Variants in FBN2 observed in about 807,000 individuals in gnomAD.
The protein encoded by FBN2 is fibrillin-2.
A neutral mutation model predicts 355.6 loss-of-function variants in FBN2; 105 were observed. That is an observed-to-expected ratio of 0.30 (90% CI 0.25 to 0.35). FBN2 has a LOEUF of 0.35. FBN2 is among the 10% of genes least tolerant of loss of function. The probability of loss-of-function intolerance (pLI) is 1.00; values close to 1 mark genes in which losing one functional copy is unlikely to be tolerated. For missense variants in FBN2, 3,280 were observed against 3,758.7 expected, an observed-to-expected ratio of 0.87 and a Z score of 3.33; for synonymous variants, 1,350 against 1,301.2, an observed-to-expected ratio of 1.04 and a Z score of -0.81.
At chr5:128,416,912 A>G (rs1753216995) in intron 7 of FBN2, among the ~76,000 whole-genome samples, 1 of 152,040 alleles carries the variant, frequency 6.6e-6, no homozygotes, top group Non-Finnish European at 1.5e-5. Context: ...TTTGATAGGG[A>G]TTGCACTGAA....
At chr5:128,352,365 C>T (rs1429567565) in intron 20 of FBN2, among the ~76,000 whole-genome samples, 1 of 152,118 alleles carries the variant, frequency 6.6e-6, no homozygotes, top group African/African-American at 2.4e-5. Context: ...AGACTGACTC[C>T]ACATCAAATT....
At position 128,537,693 on chromosome 5, in the gene FBN2, A is replaced by C. The variant is rs1230736013; in HGVS notation, c.-90T>G. 1 of 1,323,694 alleles carries C rather than the reference A, an allele frequency of 7.6e-7. No individual in the cohort carries two copies. Among genetic ancestry groups the C allele is most frequent in the South Asian group, 1.2e-5 (1 of 80,578 alleles). 82.0% of individuals were successfully genotyped at this position (1,323,694 alleles called of 1,614,324 possible). A position where few individuals can be genotyped will look rare whatever the true frequency, so the allele number is the denominator to read the frequency against. Reference sequence around the variant, plus strand: ...GCGCCTCAGAAAAGAGTCAGGGTCTAATAAGCCCTTCGTCGGCTCCGGGGA... The same window carrying C: ...GCGCCTCAGAAAAGAGTCAGGGTCTCATAAGCCCTTCGTCGGCTCCGGGGA... On this transcript the variant is annotated 5_prime_UTR_variant, in exon 1 of 65. In the 5' UTR this introduces an upstream ATG that the reference lacks. Transcript: ENST00000262464.
chr5:128,395,387 T>C (rs546712859), intron 8 of FBN2, 113 bp from the exon 9 acceptor site: 3 of 1,112,526 alleles, frequency 2.7e-6, no homozygotes, highest in Admixed American at 1.9e-5. Flanking sequence ...TTAATCTCTG[T>C]TATCTATTCC....
chr5:128,423,118 G>T (rs2127019131), intron 7 of FBN2, among the ~76,000 whole-genome samples: 1 of 149,948 alleles, frequency 6.7e-6, no homozygotes, highest in Admixed American at 6.6e-5. Context: ...GAATGCAGAA[G>T]AGAAAGGGGC....
chr5:128,289,121 A>G lies in FBN2; in HGVS notation c.6637+6T>C, dbSNP rs1374199850. 2.5e-6 allele frequency: 4 copies of G among 1,613,774 alleles called. No individual in the cohort carries two copies. Among genetic ancestry groups the G allele is most frequent in the Non-Finnish European group, 3.4e-6 (4 of 1,179,846 alleles). ...TAAAATTCTGTAATGTGGAGCCAAC[A>G]CTCACCCACACAGCGTACTCCAGTG... On this transcript the variant is annotated splice_donor_region_variant and intron_variant, in intron 52 of 64. Coordinates refer to ENST00000262464, the MANE Select transcript of FBN2 (RefSeq NM_001999.4).
Position 128,274,623 on chromosome 5 carries a change from C to T in FBN2, c.7655G>A (p.Gly2552Glu), listed in dbSNP as rs1473525001. ...NCQFLCVNTL[G>E]GFTCKCPPGF... ...AGGTGGACATTTACAGGTAAACCCC[C>T]CCAGGGTGTTGACACAGAGGAACTG... The change falls in exon 60 of 65, where the codon GGG becomes GAG. Residue 2552 changes from glycine to glutamate, a missense_variant. This residue lies in a region of FBN2 where 2,284 missense variants were observed against 2,749.5 expected (regional missense o/e 0.83). Coordinates refer to ENST00000262464, the MANE Select transcript of FBN2 (RefSeq NM_001999.4). 3.1e-6 allele frequency: 5 copies of T among 1,613,418 alleles called. No homozygotes were observed. The highest frequency in any genetic ancestry group is 2.5e-6 in the Non-Finnish European group (3 of 1,179,550).
chr5:128,366,352 T>C, intron 17 of FBN2, 25 bp downstream of exon 17: 4 of 1,363,192 alleles, frequency 2.9e-6, no homozygotes, highest in Non-Finnish European at 4.2e-6. Context: ...GTGATTATTA[T>C]AAAGTTGAGA....
chr5:128,289,345 A>G, intron 51 of FBN2, 93 bp from the exon 52 acceptor site: 1 of 1,352,978 alleles, frequency 7.4e-7, no homozygotes. Flanking sequence ...GCACTTTGGG[A>G]GGCCGAGGTG....
Position 128,277,880 on chromosome 5 carries a change from C to T in FBN2, c.7471G>A (p.Asp2491Asn), listed in dbSNP as rs1765434696. The T allele has an allele frequency of 6.2e-7, 1 of 1,613,980 alleles. No homozygotes were observed. The highest frequency in any genetic ancestry group is 1.3e-5 in the African/African-American group (1 of 74,924). ...TGGATATAGAGGTGCCCATCGTTAC[C>T]TATACAAGAGGTTCCACTGATGTCT... The part of the protein sequence containing the change: ...TTDISGTSCI[D>N]LDECSQSPKP... Residue 2491 changes from aspartate (D) to asparagine (N), a missense_variant and splice_region_variant, in exon 58 of 65, where the codon GAC becomes AAC. Coordinates refer to ENST00000262464, the MANE Select transcript of FBN2 (RefSeq NM_001999.4).
At chr5:128,398,882 C>T (rs1752719629) in intron 8 of FBN2, among the ~76,000 whole-genome samples, 1 of 152,182 alleles carries the variant, frequency 6.6e-6, no homozygotes, top group South Asian at 2.1e-4. Flanking sequence ...CCTGCACAAG[C>T]TCTTCTCTGG....
intron 7 of FBN2, among the ~76,000 whole-genome samples, chr5:128,442,762 C>A (rs1030175837): frequency 7.9e-5 from 12 of 151,830 alleles, no homozygotes; most frequent in African/African-American, 2.9e-4. Flanking sequence ...ACAAACACAC[C>A]ACATACATAC....
At position 128,259,290 on chromosome 5, in the gene FBN2, T is replaced by C. The variant is rs913067512; in HGVS notation, c.*165A>G. On this transcript the variant is annotated 3_prime_UTR_variant, in exon 65 of 65. Coordinates refer to ENST00000262464, the MANE Select transcript of FBN2 (RefSeq NM_001999.4). ...TCAAATCTTTGGCCATACCAGAGTCTAAATTATCCCTCCCTGTGAGGGTCA... is the reference window on the plus strand; with the variant it reads ...TCAAATCTTTGGCCATACCAGAGTCCAAATTATCCCTCCCTGTGAGGGTCA... 4 of 898,262 alleles carry C rather than the reference T, an allele frequency of 4.5e-6. No individual in the cohort carries two copies. Among genetic ancestry groups the C allele is most frequent in the Non-Finnish European group, 7.1e-6 (4 of 565,088 alleles). 55.6% of individuals were successfully genotyped at this position (898,262 alleles called of 1,614,324 possible).
At chr5:128,366,261 T>A in intron 17 of FBN2, 116 bp downstream of exon 17, 1 of 538,812 alleles carries the variant, frequency 1.9e-6, no homozygotes, top group Non-Finnish European at 3.3e-6. Context: ...ATAATTAATC[T>A]TATTATTTTA....
intron 4 of FBN2, among the ~76,000 whole-genome samples, chr5:128,522,892 T>C (rs2112792552): frequency 6.6e-6 from 1 of 152,258 alleles, no homozygotes; most frequent in South Asian, 2.1e-4. Context: ...GACAGTGGCA[T>C]GAAAGGCAAG....
intron 15 of FBN2, among the ~76,000 whole-genome samples, chr5:128,373,718 T>C (rs1752007551): frequency 6.6e-6 from 1 of 152,204 alleles, no homozygotes; most frequent in Admixed American, 6.5e-5. Context: ...TCCTTATCAC[T>C]GGAATATATT....
At position 128,460,047 on chromosome 5, in the gene FBN2, T is replaced by C. The variant is rs546813920; in HGVS notation, c.826+4677A>G. Among the ~76,000 whole-genome samples the C allele has an allele frequency of 1.5e-3, 221 of 152,288 alleles. 1 individual carries two copies. The highest frequency in any genetic ancestry group is 3.7e-3 in the African/African-American group (152 of 41,566). On this transcript the variant is annotated intron_variant, in intron 6 of 64. Coordinates refer to ENST00000262464, the MANE Select transcript of FBN2 (RefSeq NM_001999.4). ...TTGTATCTGTTTGCAGATGACATGA[T>C]TGTATATTTAGAAAACCGCATCATC...
chr5:128,522,518 C>G (rs1235756358), intron 4 of FBN2, among the ~76,000 whole-genome samples: 1 of 152,100 alleles, frequency 6.6e-6, no homozygotes, highest in African/African-American at 2.4e-5. Context: ...TGGCTGCACG[C>G]TGAAGGTATT....
At chr5:128,398,947 C>T (rs1752722259) in intron 8 of FBN2, among the ~76,000 whole-genome samples, 1 of 152,188 alleles carries the variant, frequency 6.6e-6, no homozygotes, top group African/African-American at 2.4e-5. Context: ...TGAGGCCTCC[C>T]CAGCCATATG....
intron 7 of FBN2, among the ~76,000 whole-genome samples, chr5:128,435,359 C>T (rs1316222858): frequency 1.3e-5 from 2 of 152,122 alleles, no homozygotes; most frequent in African/African-American, 4.8e-5. Flanking sequence ...GTGTTATTTT[C>T]AAGATTTTTG....
Sources: allele counts gnomAD v4.1 joint callset (sites outside exome capture counted in the v4.1 genomes callset), GRCh38; gene constraint gnomAD v4.1.1; regional missense constraint gnomAD v4.1.1; transcripts MANE v1.5; gene names NCBI Gene and HGNC (gene_info 2026-07-23, HGNC 2026-07-21).